The following SCNN1G variants were observed in gnomAD, a reference collection of about 807,000 sequenced individuals.
SCNN1G encodes the protein sodium channel epithelial 1 subunit gamma.
A neutral mutation model predicts 64.6 loss-of-function variants in SCNN1G; 27 were observed. The ratio of observed to expected loss-of-function variants is 0.42; its 90% CI spans 0.31 to 0.58. The LOEUF (loss-of-function observed/expected upper bound fraction) is 0.58, where lower values mean the gene tolerates loss of function less well. SCNN1G is among the 20% of genes least tolerant of loss of function. The pLI, the probability that SCNN1G is intolerant of heterozygous loss-of-function variation, is 0.18. For missense variants in SCNN1G, 743 were observed against 823.4 expected, an observed-to-expected ratio of 0.90 and a Z score of 1.19; for synonymous variants, 330 against 314.2, an observed-to-expected ratio of 1.05 and a Z score of -0.53.
chr16:23,200,079 C>T (rs1021197542), intron 6 of SCNN1G, among the ~76,000 whole-genome samples: 2 of 152,064 alleles, frequency 1.3e-5, no homozygotes, highest in African/African-American at 4.8e-5. Context: ...CTTAATATCC[C>T]CAATTAAACT....
intron 6 of SCNN1G, among the ~76,000 whole-genome samples, chr16:23,198,342 A>G (rs1959831030): frequency 6.6e-6 from 1 of 152,166 alleles, no homozygotes; most frequent in Non-Finnish European, 1.5e-5. Flanking sequence ...TGGTCACTCC[A>G]CTGCTTATGG....
chr16:23,189,934 G>T (rs1275514807), intron 3 of SCNN1G, among the ~76,000 whole-genome samples: 2 of 152,156 alleles, frequency 1.3e-5, no homozygotes, highest in Non-Finnish European at 2.9e-5. Context: ...GCTGGGCATG[G>T]TGGCACATGC....
chr16:23,194,425 C>CATCAGTGTT, intron 5 of SCNN1G, 151 bp downstream of exon 5: 1 of 676,102 alleles, frequency 1.5e-6, no homozygotes. Flanking sequence ...TCAGTGTTTC[C>CATCAGTGTT]ATCAGTGTTC....
intron 6 of SCNN1G, among the ~76,000 whole-genome samples, chr16:23,199,915 C>T (rs1959861156): frequency 6.6e-6 from 1 of 152,122 alleles, no homozygotes. Flanking sequence ...TTGTGATCCG[C>T]CCGCCTCAGC....
In SCNN1G at chr16:23,204,224, A is replaced by AGCTGT. The variant is rs1184196987; in HGVS notation, c.1078-5524_1078-5520dup. Reference sequence around the variant, plus strand: ...AACCCAAGAGGCAGAGATTGCAATGAGCTGTGGCCATGCCACTGCACTGCA... The same window carrying AGCTGT: ...AACCCAAGAGGCAGAGATTGCAATGAGCTGTGCTGTGGCCATGCCACTGCACTGCA... On this transcript the variant is annotated intron_variant, in intron 6 of 12. Coordinates refer to ENST00000300061, the MANE Select transcript of SCNN1G (RefSeq NM_001039.4). Among the ~76,000 whole-genome samples, 5 of 146,144 alleles carry AGCTGT rather than the reference A, an allele frequency of 3.4e-5. No individual in the cohort carries two copies. In the East Asian group the frequency reaches 1.0e-3, roughly 29 times the overall value.
chr16:23,186,932 G>T (rs951809884), intron 2 of SCNN1G, among the ~76,000 whole-genome samples: 1 of 151,884 alleles, frequency 6.6e-6, no homozygotes, highest in Non-Finnish European at 1.5e-5. Context: ...CCGAGTAGCT[G>T]GGACTACAGG....
chr16:23,211,950 C>T, intron 7 of SCNN1G, 84 bp from the exon 8 acceptor site: 1 of 995,662 alleles, frequency 1.0e-6, no homozygotes, highest in Non-Finnish European at 1.6e-6. Context: ...GGGAGGCTGA[C>T]CCCCTGGGCT....
chr16:23,210,911 A>C (rs1280546710), intron 7 of SCNN1G, among the ~76,000 whole-genome samples: 1 of 152,118 alleles, frequency 6.6e-6, no homozygotes, highest in Non-Finnish European at 1.5e-5. Context: ...ACTGGTGCAC[A>C]CCTGTAATCT....
At chr16:23,192,651 C>A in intron 4 of SCNN1G, 109 bp downstream of exon 4, 1 of 861,738 alleles carries the variant, frequency 1.2e-6, no homozygotes, top group Non-Finnish European at 1.9e-6. Flanking sequence ...GCAAAAGGTG[C>A]TCTTCTCACT....
chr16:23,216,536 T>A lies in SCNN1G; in HGVS notation c.*1067T>A, dbSNP rs1445745061. ...CCCAAGAACAGGGTGTTAGGTACTG[T>A]TTTAAGCACCTAGATAGGTTAGCAT... is the stretch of plus-strand genomic sequence containing the variant. On this transcript the variant is annotated 3_prime_UTR_variant, in exon 13 of 13. Transcript: ENST00000300061. 1 of 152,220 alleles carries A rather than the reference T, an allele frequency of 6.6e-6. No individual in the cohort carries two copies. Among genetic ancestry groups the A allele is most frequent in the African/African-American group, 2.4e-5 (1 of 41,464 alleles). The allele number at this position is 152,220 out of a possible 1,614,324, so 9.4% of individuals were successfully genotyped here.
At chr16:23,191,711 C>T (rs1186629506) in intron 3 of SCNN1G, among the ~76,000 whole-genome samples, 1 of 152,204 alleles carries the variant, frequency 6.6e-6, no homozygotes, top group Non-Finnish European at 1.5e-5. Flanking sequence ...CAGGCATGAG[C>T]CACTGCAACC....
At chr16:23,206,625 G>A (rs762967255) in intron 6 of SCNN1G, among the ~76,000 whole-genome samples, 1 of 151,992 alleles carries the variant, frequency 6.6e-6, no homozygotes, top group African/African-American at 2.4e-5. Context: ...AGAGAGAGAG[G>A]GTGGTGAGCT....
At chr16:23,189,790 G>A in intron 3 of SCNN1G, 119 bp downstream of exon 3, 1 of 1,018,410 alleles carries the variant, frequency 9.8e-7, no homozygotes, top group Non-Finnish European at 1.5e-6. Flanking sequence ...ACCCAGCTGG[G>A]GTCAGACACA....
In SCNN1G at chr16:23,215,493, A is replaced by T; in HGVS notation, c.*24A>T. 2.5e-6 allele frequency: 4 copies of T among 1,602,720 alleles called. No homozygotes were observed. The highest frequency in any genetic ancestry group is 3.4e-6 in the Non-Finnish European group (4 of 1,179,908). On this transcript the variant is annotated 3_prime_UTR_variant, in exon 13 of 13. Coordinates refer to ENST00000300061, the MANE Select transcript of SCNN1G (RefSeq NM_001039.4). ...GAGGCAGGGTTGAGAAGACAGATCT[A>T]GTCAGGACCACCAGCCATGGTCTAA...
intron 6 of SCNN1G, among the ~76,000 whole-genome samples, chr16:23,202,864 A>G (rs1451679867): frequency 6.6e-6 from 1 of 152,198 alleles, no homozygotes; most frequent in Non-Finnish European, 1.5e-5. Flanking sequence ...GAAGATGACC[A>G]CTTCGATTTG....
At position 23,183,097 on chromosome 16, in the gene SCNN1G, C is replaced by T. The variant is rs372682044; in HGVS notation, c.-45+284C>T. On this transcript the variant is annotated intron_variant, in intron 1 of 12. Transcript: ENST00000300061. ...GCCACACCTGGCCTCTTTTCTCCGC[C>T]CAGCGCCTGTTCAGCCCCCTTCCCT... is the stretch of plus-strand genomic sequence containing the variant. Among the ~76,000 whole-genome samples, 57 of 152,366 alleles carry T rather than the reference C, an allele frequency of 3.7e-4. No homozygotes were observed. The East Asian group carries it at 0.011, about 29-fold the overall frequency.
intron 7 of SCNN1G, among the ~76,000 whole-genome samples, chr16:23,211,099 C>A (rs1960072041): frequency 6.6e-6 from 1 of 152,204 alleles, no homozygotes; most frequent in Non-Finnish European, 1.5e-5. Flanking sequence ...GTGAGAACTA[C>A]CATGCACACA....
rs1224631006 is a variant in SCNN1G at position 23,215,198 on chromosome 16, T to G, written c.1679T>G (p.Ile560Ser). The G allele has an allele frequency of 6.2e-7, 1 of 1,614,026 alleles. No individual in the cohort carries two copies. Among genetic ancestry groups the G allele is most frequent in the Non-Finnish European group, 8.5e-7 (1 of 1,180,032 alleles). The change falls in exon 13 of 13, where the codon ATC (isoleucine) becomes AGC (serine). Residue 560 changes from isoleucine to serine, a missense_variant. Transcript: ENST00000300061. ...IEVFFIDFFS[I>S]IARRQWQKAK... ...GTCTTCTTCATTGACTTCTTCTCTA[T>G]CATTGCCCGCCGCCAGTGGCAGAAA... is the stretch of plus-strand genomic sequence containing the variant.
chr16:23,197,147 A>G lies in SCNN1G; in HGVS notation c.914-117A>G, dbSNP rs1959808494. 3.7e-6 allele frequency: 3 copies of G among 820,870 alleles called. No individual in the cohort carries two copies. The East Asian group carries it at 7.8e-5, about 21-fold the overall frequency. 50.8% of individuals were successfully genotyped at this position (820,870 alleles called of 1,614,324 possible). ...CCAGTCTAGCCCTCGTCCACCTGTC[A>G]CTTGCTAGAAATACCTGGTCTTGGG... On this transcript the variant is annotated intron_variant, in intron 5 of 12. Transcript: ENST00000300061.
Sources: gnomAD v4.1 joint callset for allele counts (sites outside exome capture counted in the v4.1 genomes callset) on GRCh38, gnomAD v4.1.1 for gene constraint, MANE v1.5 for transcripts, NCBI Gene and HGNC (gene_info 2026-07-23, HGNC 2026-07-21) for gene names.